The following MRTFB variants were observed in gnomAD, a reference collection of about 807,000 sequenced individuals.
MRTFB encodes the protein myocardin-related transcription factor B.
In MRTFB, 29 loss-of-function variants were observed where a neutral mutation model predicts 104.2. The observed-to-expected ratio is 0.28, with a 90% CI of 0.21 to 0.38. The LOEUF (loss-of-function observed/expected upper bound fraction) is 0.38. Ranked by LOEUF, MRTFB falls within the 10% of genes least tolerant of loss-of-function variation. MRTFB has a pLI of 1.00. For missense variants in MRTFB, 1,270 were observed against 1,341.6 expected, an observed-to-expected ratio of 0.95 and a Z score of 0.83; for synonymous variants, 535 against 519.5, an observed-to-expected ratio of 1.03 and a Z score of -0.41.
intron 15 of MRTFB, among the ~76,000 whole-genome samples, chr16:14,257,469 C>A (rs572006622): frequency 6.6e-6 from 1 of 152,020 alleles, no homozygotes; most frequent in South Asian, 2.1e-4. Context: ...AATAATTATG[C>A]TGGGTGAAAG....
In MRTFB at chr16:14,234,159, C is replaced by T; in HGVS notation, c.707C>T (p.Ser236Phe). The T allele has an allele frequency of 6.2e-7, 1 of 1,614,008 alleles. No individual in the cohort carries two copies. The highest frequency in any genetic ancestry group is 1.1e-5 in the South Asian group (1 of 91,064). ...CTTTTCCACCAGTTTGCTTCAGTGT[C>T]CCCAACAGTTCCTGAATTCTTGAAA... ...TNTPAQFASV[S>F]PTVPEFLKTP... The change falls in exon 9 of 17, where the codon TCC becomes TTC. Residue 236 changes from serine to phenylalanine, a missense_variant. This residue lies in a region of MRTFB where 1,144 missense variants were observed against 1,131.5 expected (regional missense o/e 1.01). Coordinates refer to ENST00000571589, the MANE Select transcript of MRTFB (RefSeq NM_001308142.2).
At position 14,210,387 on chromosome 16, in the gene MRTFB, C is replaced by T; in HGVS notation, c.220+79C>T. ...GTCCAAGAAGAGCCTGCATCTTGCTCTGCTTTCAGTTGTATCCATTTAATC... is the reference window on the plus strand; with the variant it reads ...GTCCAAGAAGAGCCTGCATCTTGCTTTGCTTTCAGTTGTATCCATTTAATC... On this transcript the variant is annotated intron_variant, in intron 4 of 16. Transcript: ENST00000571589. The T allele has an allele frequency of 2.2e-5, 24 of 1,111,170 alleles. No individual in the cohort carries two copies. The South Asian group carries it at 3.5e-4, about 16-fold the overall frequency. The allele number at this position is 1,111,170 out of a possible 1,614,324, so 68.8% of individuals were successfully genotyped here. A position where few individuals can be genotyped will look rare whatever the true frequency, so the allele number is the denominator to read the frequency against.
At position 14,266,282 on chromosome 16, in the gene MRTFB, G is replaced by T. The variant is rs2043944508; in HGVS notation, c.*4838G>T. On this transcript the variant is annotated 3_prime_UTR_variant, in exon 17 of 17. Coordinates refer to ENST00000571589, the MANE Select transcript of MRTFB (RefSeq NM_001308142.2). ...TTTGTTGGTTTAAGAGTAACATTCAGTAGTAATACAAAGTTTTTTTTCTAT... is the reference window on the plus strand; with the variant it reads ...TTTGTTGGTTTAAGAGTAACATTCATTAGTAATACAAAGTTTTTTTTCTAT... 6.6e-6 allele frequency: 1 copy of T among 152,146 alleles called. No homozygotes were observed. Among genetic ancestry groups the T allele is most frequent in the Non-Finnish European group, 1.5e-5 (1 of 68,020 alleles). The allele number at this position is 152,146 out of a possible 1,614,324, so 9.4% of individuals were successfully genotyped here.
chr16:14,015,085 C>T, the MRTFB span, among the ~76,000 whole-genome samples: 1 of 152,152 alleles, frequency 6.6e-6, no homozygotes, highest in Admixed American at 6.5e-5. Context: ...TTTCAAATAA[C>T]ATTTGCGGCT....
At chr16:14,212,494 C>T in intron 5 of MRTFB, 85 bp downstream of exon 5, 2 of 1,213,620 alleles carry the variant, frequency 1.6e-6, no homozygotes, top group South Asian at 1.2e-5. Context: ...AGCAGTGTTA[C>T]TCCTAAATAT....
intron 16 of MRTFB, among the ~76,000 whole-genome samples, chr16:14,259,590 A>G (rs2043674023): frequency 6.6e-6 from 1 of 152,096 alleles, no homozygotes; most frequent in Non-Finnish European, 1.5e-5. Context: ...GTGAAACTAA[A>G]AATACAACAA....
At chr16:14,148,889 CAG>C (rs1228348259) in intron 3 of MRTFB, among the ~76,000 whole-genome samples, 1 of 152,154 alleles carries the variant, frequency 6.6e-6, no homozygotes, top group South Asian at 2.1e-4. Context: ...GCAGCAGGAA[CAG>C]AAAGAATGGA....
chr16:14,247,257 C>G lies in MRTFB; in HGVS notation c.1997C>G (p.Ser666Cys), dbSNP rs1052025481. The change falls in exon 12 of 17, where the codon TCT (serine) becomes TGT (cysteine). Residue 666 changes from serine (S) to cysteine (C), a missense_variant. By Grantham distance (112) the Ser-to-Cys change is moderately radical. Around this residue, in one of 3 missense-constraint regions of MRTFB, gnomAD observed 1,144 missense variants for 1,131.5 expected, o/e 1.01. Transcript: ENST00000571589. Reference sequence around the variant, plus strand: ...AGCCACGCTGTAGGCCAGCCCGTCTCTACAGGTGGCCAGACCCTTGTTGCC... The same window carrying G: ...AGCCACGCTGTAGGCCAGCCCGTCTGTACAGGTGGCCAGACCCTTGTTGCC... ...VASHAVGQPVSTGGQTLVAKK... is the reference protein window; with the variant it reads ...VASHAVGQPVCTGGQTLVAKK... 1.1e-5 allele frequency: 17 copies of G among 1,614,228 alleles called. No individual in the cohort carries two copies. Among genetic ancestry groups the G allele is most frequent in the Non-Finnish European group, 1.3e-5 (15 of 1,180,044 alleles).
At chr16:14,118,330 T>A (rs2036652457) in intron 2 of MRTFB, among the ~76,000 whole-genome samples, 2 of 151,524 alleles carry the variant, frequency 1.3e-5, no homozygotes. Flanking sequence ...TTTATAGAGA[T>A]GGGGTTTTGC....
At chr16:14,068,937 C>T (rs1318066947), upstream of MRTFB, among the ~76,000 whole-genome samples, 2 of 148,654 alleles carry the variant, frequency 1.3e-5, no homozygotes, top group South Asian at 4.3e-4. Context: ...TCCTGTCCCT[C>T]GACACCAGAA....
At chr16:14,056,073 G>C in the MRTFB span, among the ~76,000 whole-genome samples, 1 of 152,112 alleles carries the variant, frequency 6.6e-6, no homozygotes, top group Non-Finnish European at 1.5e-5. Context: ...CTGCCTCCTG[G>C]ATTCAAGTAA....
the MRTFB span, among the ~76,000 whole-genome samples, chr16:14,000,122 C>G: frequency 6.6e-6 from 1 of 152,060 alleles, no homozygotes; most frequent in Non-Finnish European, 1.5e-5. Flanking sequence ...GAGAGAGAGG[C>G]GGCTCTAAGC....
chr16:14,227,283 AAC>A (rs113282071), intron 8 of MRTFB, among the ~76,000 whole-genome samples: 14,715 of 147,920 alleles, frequency 0.099, 1,514 homozygotes, highest in African/African-American at 0.26. Context: ...TTGTTAAAAA[AAC>A]AAAAACAAAA....
the MRTFB span, among the ~76,000 whole-genome samples, chr16:14,028,162 A>G: frequency 1.3e-5 from 2 of 152,196 alleles, no homozygotes; most frequent in Non-Finnish European, 2.9e-5. Flanking sequence ...GGGGCACAGA[A>G]TGAGACTCCA....
intron 2 of MRTFB, among the ~76,000 whole-genome samples, chr16:14,130,448 G>A (rs1382777556): frequency 1.3e-5 from 2 of 152,020 alleles, no homozygotes; most frequent in Non-Finnish European, 2.9e-5. Flanking sequence ...TCAATTCCTG[G>A]GTCAAAGGAT....
chr16:14,081,186 A>G (rs1033060210), intron 2 of MRTFB, among the ~76,000 whole-genome samples: 2 of 152,124 alleles, frequency 1.3e-5, no homozygotes, highest in African/African-American at 4.8e-5. Flanking sequence ...TTTTGATAGT[A>G]GCCATTCCAA....
At chr16:14,208,372 A>G (rs2041042649) in intron 3 of MRTFB, among the ~76,000 whole-genome samples, 1 of 152,248 alleles carries the variant, frequency 6.6e-6, no homozygotes, top group Admixed American at 6.5e-5. Context: ...TGTGTCTGAT[A>G]GATTTGTCTC....
chr16:14,116,100 A>G (rs897846300), intron 2 of MRTFB, among the ~76,000 whole-genome samples: 2 of 151,948 alleles, frequency 1.3e-5, no homozygotes, highest in Non-Finnish European at 2.9e-5. Flanking sequence ...TTCTTAATCC[A>G]TCATTCAAAA....
At chr16:14,227,618 T>A (rs1209049683) in intron 8 of MRTFB, among the ~76,000 whole-genome samples, 1 of 152,142 alleles carries the variant, frequency 6.6e-6, no homozygotes, top group Non-Finnish European at 1.5e-5. Context: ...TTCAAGGGAT[T>A]CTCCTGCCTC....
Sources: allele counts gnomAD v4.1 joint callset (sites outside exome capture counted in the v4.1 genomes callset), GRCh38; gene constraint gnomAD v4.1.1; regional missense constraint gnomAD v4.1.1; transcripts MANE v1.5; gene names NCBI Gene and HGNC (gene_info 2026-07-23, HGNC 2026-07-21).